The following ADAMTS4 variants were observed in gnomAD, a reference collection of about 807,000 sequenced individuals.
ADAMTS4 encodes ADAM metallopeptidase with thrombospondin type 1 motif 4, also known as A disintegrin and metalloproteinase with thrombospondin motifs 4.
Under a neutral mutation model 66.7 loss-of-function variants are expected in ADAMTS4, and 38 were observed. That is an observed-to-expected ratio of 0.57 (90% confidence interval 0.44 to 0.75). ADAMTS4 has a LOEUF of 0.75. ADAMTS4 is among the 30% of genes least tolerant of loss of function. ADAMTS4 has a pLI of 0.00. For missense variants in ADAMTS4, 1,014 were observed against 1,116.7 expected, an observed-to-expected ratio of 0.91 and a Z score of 1.31; for synonymous variants, 418 against 461.5, an observed-to-expected ratio of 0.91 and a Z score of 1.21.
chr1:161,196,836 T>C lies in ADAMTS4; in HGVS notation c.678A>G (p.Ala226=). 1 of 1,608,838 alleles carries C rather than the reference T, an allele frequency of 6.2e-7. No individual in the cohort carries two copies. Among genetic ancestry groups the C allele is most frequent in the Non-Finnish European group, 8.5e-7 (1 of 1,179,684 alleles). ...CGTGGAATGCGGCCATCTTGTCATC[T>C]GCCACCACCAGTGTCTCCACAAATC... ...LSRFVETLVV[A]DDKMAAFHGA... Residue 226 remains alanine, a synonymous_variant, in exon 2 of 9, where the codon GCA becomes GCG. Coordinates refer to ENST00000367996, the MANE Select transcript of ADAMTS4 (RefSeq NM_005099.6).
chr1:161,194,926 T>A lies in ADAMTS4; in HGVS notation c.1261+539A>T, dbSNP rs1483063756. ...GCCAGGCATGGTGGCTTAATGTCTG[T>A]AATCCCAGCACTTTGGAAGGCTGAG... On this transcript the variant is annotated intron_variant, in intron 4 of 8. Coordinates refer to ENST00000367996, the MANE Select transcript of ADAMTS4 (RefSeq NM_005099.6). The surrounding 1 kb of genome is among the most constrained non-coding windows in gnomAD (Gnocchi z 4.1). Among the ~76,000 whole-genome samples, 4 of 152,190 alleles carry A rather than the reference T, an allele frequency of 2.6e-5. No individual in the cohort carries two copies. The highest frequency in any genetic ancestry group is 5.9e-5 in the Non-Finnish European group (4 of 68,034).
Position 161,196,893 on chromosome 1 carries a change from A to T in ADAMTS4, c.634-13T>A. The T allele has an allele frequency of 6.4e-7, 1 of 1,567,966 alleles. No individual in the cohort carries two copies. The highest frequency in any genetic ancestry group is 8.6e-7 in the Non-Finnish European group (1 of 1,160,600). On this transcript the variant is annotated splice_polypyrimidine_tract_variant and intron_variant, in intron 1 of 8. Coordinates refer to ENST00000367996, the MANE Select transcript of ADAMTS4 (RefSeq NM_005099.6). ...GTGAAGCAAAGCGCTGTAGAGAAAA[A>T]GGGAGAGGAAGATCCTGAAATAGCC...
rs781544063 is a variant in ADAMTS4 at position 161,191,234 on chromosome 1, G to A, written c.2418C>T (p.Thr806=). Residue 806 remains threonine (T), a synonymous_variant, in exon 9 of 9, where the codon ACC becomes ACT. Transcript: ENST00000367996. ...GGGGAGTGGGGCGTGGCGTTGAAGG[G>A]GTCGGCCGGGGCACGAAGAAGCTGT... is the stretch of plus-strand genomic sequence containing the variant. ...LRYSFFVPRP[T]PSTPRPTPQD... 1.2e-6 allele frequency: 2 copies of A among 1,613,384 alleles called. No homozygotes were observed. The highest frequency in any genetic ancestry group is 2.2e-5 in the South Asian group (2 of 91,062).
rs549267932 is a variant in ADAMTS4, at chr1:161,185,353, C to T, written c.*5785G>A. 5 of 152,264 alleles carry T rather than the reference C, an allele frequency of 3.3e-5. No homozygotes were observed. In the South Asian group the frequency reaches 1.0e-3, roughly 32 times the overall value. The allele number at this position is 152,264 out of a possible 1,614,324, so 9.4% of individuals were successfully genotyped here. The stretch of plus-strand genomic sequence containing the variant: ...ATACTTAATCTACTTCCTCCCCTCC[C>T]TTTCCTTCCTAATGCTACTTAAGTA... On this transcript the variant is annotated 3_prime_UTR_variant, in exon 9 of 9. Coordinates refer to ENST00000367996, the MANE Select transcript of ADAMTS4 (RefSeq NM_005099.6).
rs762497380 is a variant in ADAMTS4, at chr1:161,191,542, T to C, written c.2110A>G (p.Thr704Ala). Residue 704 changes from threonine to alanine, a missense_variant, in exon 9 of 9, where the codon ACT becomes GCT. Coordinates refer to ENST00000367996, the MANE Select transcript of ADAMTS4 (RefSeq NM_005099.6). ...ATGTGGGTGGCCCCCGCGGGGATAG[T>C]GACCACATTGTTGTATCCGTACCTG... ...KFRYGYNNVV[T>A]IPAGATHILV... 4.3e-6 allele frequency: 7 copies of C among 1,612,570 alleles called. No homozygotes were observed. In the South Asian group the frequency reaches 5.5e-5, roughly 13 times the overall value.
rs1664604118 is a variant in ADAMTS4, at chr1:161,189,150, G to C, written c.*1988C>G. ...CGTTCCATCTTCAGGTAGTCATAGG[G>C]GTAACCTCTCACATGGCCATGACTA... On this transcript the variant is annotated 3_prime_UTR_variant, in exon 9 of 9. Transcript: ENST00000367996. 1 of 151,768 alleles carries C rather than the reference G, an allele frequency of 6.6e-6. No individual in the cohort carries two copies. The highest frequency in any genetic ancestry group is 6.6e-5 in the Admixed American group (1 of 15,210). 9.4% of individuals were successfully genotyped at this position (151,768 alleles called of 1,614,324 possible).
At position 161,195,450 on chromosome 1, in the gene ADAMTS4, G is replaced by A. The variant is rs1006161924; in HGVS notation, c.1261+15C>T. The A allele has an allele frequency of 1.3e-6, 2 of 1,594,570 alleles. No individual in the cohort carries two copies. Among genetic ancestry groups the A allele is most frequent in the Non-Finnish European group, 1.7e-6 (2 of 1,170,708 alleles). ...TTGAGTGCTACCCAGGGAAAGGTAA[G>A]TGCCATCTGCTTACCATAGCCATTG... On this transcript the variant is annotated intron_variant, in intron 4 of 8. Coordinates refer to ENST00000367996, the MANE Select transcript of ADAMTS4 (RefSeq NM_005099.6).
At position 161,185,351 on chromosome 1, in the gene ADAMTS4, C is replaced by G. The variant is rs1388690664; in HGVS notation, c.*5787G>C. On this transcript the variant is annotated 3_prime_UTR_variant, in exon 9 of 9. Transcript: ENST00000367996. ...GGATACTTAATCTACTTCCTCCCCT[C>G]CCTTTCCTTCCTAATGCTACTTAAG... 1 of 152,150 alleles carries G rather than the reference C, an allele frequency of 6.6e-6. No homozygotes were observed. The highest frequency in any genetic ancestry group is 2.4e-5 in the African/African-American group (1 of 41,368). The allele number at this position is 152,150 out of a possible 1,614,324, so 9.4% of individuals were successfully genotyped here. A position where few individuals can be genotyped will look rare whatever the true frequency, so the allele number is the denominator to read the frequency against.
intron 7 of ADAMTS4, among the ~76,000 whole-genome samples, chr1:161,192,744 GGC>G (rs1664712472): frequency 6.6e-6 from 1 of 152,130 alleles, no homozygotes; most frequent in South Asian, 2.1e-4. Context: ...ATGCTGCTGG[GGC>G]TTGTTTTTCT....
intron 4 of ADAMTS4, among the ~76,000 whole-genome samples, chr1:161,195,139 A>G (rs1664778987): frequency 6.6e-6 from 1 of 152,230 alleles, no homozygotes; most frequent in Admixed American, 6.5e-5. Flanking sequence ...AGTGGCAGTC[A>G]TCCTGCTATT....
At position 161,198,744 on chromosome 1, in the gene ADAMTS4, G is replaced by C; in HGVS notation, c.-117C>G. On this transcript the variant is annotated 5_prime_UTR_variant, in exon 1 of 9. Transcript: ENST00000367996. This position sits in a 1 kb window ranked among gnomAD's most constrained non-coding sequence, Gnocchi z 4.7. ...GGGGCTTGGACTCCTGCCAAGGTCA[G>C]AGGCAAAGTTTTCAGAAGGGCTGAG... 1 of 1,000,334 alleles carries C rather than the reference G, an allele frequency of 1.0e-6. No individual in the cohort carries two copies. The highest frequency in any genetic ancestry group is 1.4e-6 in the Non-Finnish European group (1 of 706,668). 62.0% of individuals were successfully genotyped at this position (1,000,334 alleles called of 1,614,324 possible). A position where few individuals can be genotyped will look rare whatever the true frequency, so the allele number is the denominator to read the frequency against.
Position 161,193,315 on chromosome 1 carries a change from G to A in ADAMTS4, c.1809C>T (p.Pro603=), listed in dbSNP as rs768990385. 6.2e-7 allele frequency: 1 copy of A among 1,614,030 alleles called. No individual in the cohort carries two copies. Among genetic ancestry groups the A allele is most frequent in the Non-Finnish European group, 8.5e-7 (1 of 1,180,000 alleles). ...CTGTGTAGCGAGGAACCCAGTCCAT[G>A]GGCCCTGGGAAGCTCTTGAAGAGGT... The part of the protein sequence containing the change: ...RTDLFKSFPG[P]MDWVPRYTGV... Residue 603 remains proline (P), a synonymous_variant, in exon 7 of 9, where the codon CCC becomes CCT. Transcript: ENST00000367996. The surrounding 1 kb of genome is among the most constrained non-coding windows in gnomAD (Gnocchi z 4.4).
rs144928037 is a variant in ADAMTS4 at position 161,198,398 on chromosome 1, G to A, written c.230C>T (p.Ala77Val). 3.0e-4 allele frequency: 477 copies of A among 1,609,364 alleles called. 1 individual carries two copies. Among genetic ancestry groups the A allele is most frequent in the Non-Finnish European group, 3.8e-4 (452 of 1,178,452 alleles). ...CAAGCGGCACAACAGCCTGGCAGGG[G>A]CGCCCGAGCCAGGCAGGACGCTGCC... The part of the protein sequence containing the change: ...LNGSVLPGSG[A>V]PARLLCRLQA... Residue 77 changes from alanine to valine, a missense_variant, in exon 1 of 9, where the codon GCC (alanine) becomes GTC (valine). Transcript: ENST00000367996. This position sits in a 1 kb window ranked among gnomAD's most constrained non-coding sequence, Gnocchi z 4.7.
chr1:161,196,401 A>C (rs1213676905), intron 2 of ADAMTS4, 98 bp from the exon 3 acceptor site: 1 of 1,524,150 alleles, frequency 6.6e-7, no homozygotes, highest in Non-Finnish European at 8.9e-7. Context: ...CTGAGGACCC[A>C]GCACTGTCAG....
chr1:161,197,229 G>C (rs1664881380), intron 1 of ADAMTS4: 1 of 273,012 alleles, frequency 3.7e-6, no homozygotes, highest in Non-Finnish European at 7.0e-6. Flanking sequence ...GGGGCCTATG[G>C]GACCAGGGCT....
In ADAMTS4 at chr1:161,193,995, C is replaced by A. The variant is rs1446204368; in HGVS notation, c.1488G>T (p.Gly496=). 6.8e-6 allele frequency: 11 copies of A among 1,612,020 alleles called. No individual in the cohort carries two copies. The highest frequency in any genetic ancestry group is 8.5e-6 in the Non-Finnish European group (10 of 1,178,808). ...HSPWADGTPC[G]PAQACMGGRC... ...GACCACCCATGCAGGCCTGTGCGGG[C>A]CCGCAGGGTGTGCCATCGGCCCAGG... Residue 496 remains glycine, a synonymous_variant, in exon 5 of 9, where the codon GGG becomes GGT. Transcript: ENST00000367996. This position sits in a 1 kb window ranked among gnomAD's most constrained non-coding sequence, Gnocchi z 4.4.
Position 161,196,694 on chromosome 1 carries a change from A to G in ADAMTS4, c.820T>C (p.Ser274Pro). 1.2e-6 allele frequency: 2 copies of G among 1,613,798 alleles called. No individual in the cohort carries two copies. Among genetic ancestry groups the G allele is most frequent in the Non-Finnish European group, 1.7e-6 (2 of 1,179,962 alleles). ...LVVTRLVILG[S>P]GEEGPQVGPS... ...CCCACTTGGGGCCCCTCCTCGCCTG[A>G]CCCCAGGATCACTAGCCGAGTCACC... The change falls in exon 2 of 9, where the codon TCA (serine) becomes CCA (proline). Residue 274 changes from serine (S) to proline (P), a missense_variant. By Grantham distance (74) the Ser-to-Pro change is moderately conservative. Transcript: ENST00000367996.
intron 3 of ADAMTS4, 39 bp downstream of exon 3, chr1:161,196,132 T>G: frequency 6.8e-7 from 1 of 1,474,702 alleles, no homozygotes; most frequent in Non-Finnish European, 9.2e-7. Context: ...TCCCCCACCT[T>G]CTCCTCCCTA....
At chr1:161,191,981 G>T in intron 8 of ADAMTS4, 84 bp downstream of exon 8, 1 of 1,468,684 alleles carries the variant, frequency 6.8e-7, no homozygotes, top group Non-Finnish European at 9.4e-7. Flanking sequence ...CTCTTTGAGA[G>T]TGGAAACAGT....
Sources: gnomAD v4.1 joint callset for allele counts (sites outside exome capture counted in the v4.1 genomes callset) on GRCh38, gnomAD v4.1.1 for gene constraint, Gnocchi (gnomAD v3.1) non-coding constraint, MANE v1.5 for transcripts, NCBI Gene and HGNC (gene_info 2026-07-23, HGNC 2026-07-21) for gene names.